Variants in ZBTB7C observed in about 807,000 individuals in gnomAD.
ZBTB7C encodes zinc finger and BTB domain-containing protein 7C.
In ZBTB7C, 8 loss-of-function variants were observed where a neutral mutation model predicts 25.7. The observed-to-expected ratio is 0.31, with a 90% CI of 0.18 to 0.56. ZBTB7C has a LOEUF of 0.56. Ranked by LOEUF, ZBTB7C falls within the 20% of genes least tolerant of loss-of-function variation. ZBTB7C has a pLI of 0.91. For missense variants in ZBTB7C, 824 were observed against 855.2 expected (o/e 0.96, Z 0.46); for synonymous variants, 394 against 369.0 (o/e 1.07, Z -0.78).
intron 2 of ZBTB7C, among the ~76,000 whole-genome samples, chr18:48,245,483 G>A (rs1418232419): frequency 8.2e-4 from 78 of 95,624 alleles, no homozygotes; most frequent in African/African-American, 3.2e-3. Flanking sequence ...TAAAAAAATA[G>A]ATCAAGACAC....
At chr18:48,335,644 T>C (rs941491563) in intron 2 of ZBTB7C, among the ~76,000 whole-genome samples, 1 of 152,194 alleles carries the variant, frequency 6.6e-6, no homozygotes, top group South Asian at 2.1e-4. Flanking sequence ...TGGCAAGATA[T>C]TCTAGAGTCT....
intron 2 of ZBTB7C, among the ~76,000 whole-genome samples, chr18:48,274,888 G>A (rs1478662691): frequency 6.6e-6 from 1 of 152,150 alleles, no homozygotes; most frequent in Non-Finnish European, 1.5e-5. Flanking sequence ...TGGCCTGGCT[G>A]AGGAGCTATT....
At chr18:48,317,812 C>G (rs1013356970) in intron 2 of ZBTB7C, among the ~76,000 whole-genome samples, 4 of 152,212 alleles carry the variant, frequency 2.6e-5, no homozygotes, top group Non-Finnish European at 5.9e-5. Flanking sequence ...TTGAAACATA[C>G]AGATCCCAGG....
At chr18:48,219,358 A>G (rs2145286643) in intron 2 of ZBTB7C, among the ~76,000 whole-genome samples, 1 of 152,308 alleles carries the variant, frequency 6.6e-6, no homozygotes, top group Non-Finnish European at 1.5e-5. Flanking sequence ...TGATGACAAC[A>G]CTAACATCTG....
chr18:48,064,063 T>C (rs2037227786), intron 3 of ZBTB7C, among the ~76,000 whole-genome samples: 1 of 152,148 alleles, frequency 6.6e-6, no homozygotes. Flanking sequence ...CCATGAAGAA[T>C]GAGAAGGTGG....
intron 3 of ZBTB7C, among the ~76,000 whole-genome samples, chr18:48,139,545 G>C (rs1217314740): frequency 6.6e-6 from 1 of 152,150 alleles, no homozygotes; most frequent in Non-Finnish European, 1.5e-5. Flanking sequence ...TTGCAGCCAA[G>C]AGCCTGGGGA....
intron 1 of ZBTB7C, among the ~76,000 whole-genome samples, chr18:48,370,110 A>G (rs2047350906): frequency 6.6e-6 from 1 of 152,202 alleles, no homozygotes; most frequent in South Asian, 2.1e-4. Context: ...AAAACTTCCA[A>G]ATACTTAGAA....
intron 3 of ZBTB7C, among the ~76,000 whole-genome samples, chr18:48,122,955 G>T (rs1022383025): frequency 6.6e-6 from 1 of 152,144 alleles, no homozygotes; most frequent in South Asian, 2.1e-4. Flanking sequence ...ATTCCCTCTT[G>T]GACTCTGACT....
At chr18:48,148,567 C>T (rs1454288032) in intron 3 of ZBTB7C, 2 of 152,150 alleles carry the variant, frequency 1.3e-5, no homozygotes, top group African/African-American at 4.8e-5. Context: ...GTGTCCTCAG[C>T]ATTACAGATG....
At chr18:48,228,745 T>TCACACACACACA (rs1375739209) in intron 2 of ZBTB7C, among the ~76,000 whole-genome samples, 24 of 136,734 alleles carry the variant, frequency 1.8e-4, no homozygotes, top group African/African-American at 5.8e-4. Context: ...TCTCTCTCTC[T>TCACACACACACA]CTCACACACA....
At chr18:48,297,460 G>A (rs539479763) in intron 2 of ZBTB7C, among the ~76,000 whole-genome samples, 14 of 152,136 alleles carry the variant, frequency 9.2e-5, no homozygotes, top group African/African-American at 2.9e-4. Flanking sequence ...GCTGTTCATT[G>A]CCTCTGACTT....
In ZBTB7C at chr18:48,057,327, T is replaced by C. The variant is rs146493701; in HGVS notation, c.-16-16204A>G. Among the ~76,000 whole-genome samples, 8 of 152,268 alleles carry C rather than the reference T, an allele frequency of 5.3e-5. No individual in the cohort carries two copies. The East Asian group carries it at 1.5e-3, about 29-fold the overall frequency. On this transcript the variant is annotated intron_variant, in intron 3 of 4. Transcript: ENST00000590800. Reference sequence around the variant, plus strand: ...GTGGCATTGATTCTATAGCCAACAATTGGAAGTAAACAGTATATCCATCAA... The same window carrying C: ...GTGGCATTGATTCTATAGCCAACAACTGGAAGTAAACAGTATATCCATCAA...
intron 2 of ZBTB7C, among the ~76,000 whole-genome samples, chr18:48,296,187 T>C (rs909884196): frequency 5.3e-5 from 8 of 152,176 alleles, no homozygotes; most frequent in Admixed American, 6.5e-5. Context: ...CCCCACCACC[T>C]GCTCAGGCCC....
chr18:48,141,927 T>C (rs2040361644), intron 3 of ZBTB7C, among the ~76,000 whole-genome samples: 1 of 152,212 alleles, frequency 6.6e-6, no homozygotes, highest in Non-Finnish European at 1.5e-5. Context: ...ATCACTTTCA[T>C]CCACAGATCA....
At chr18:48,162,042 C>G (rs559904482) in intron 3 of ZBTB7C, among the ~76,000 whole-genome samples, 1 of 152,276 alleles carries the variant, frequency 6.6e-6, no homozygotes, top group East Asian at 1.9e-4. Flanking sequence ...CCGCACTGAC[C>G]CCGCAGGGGG....
At chr18:48,081,876 A>T (rs947423249) in intron 3 of ZBTB7C, among the ~76,000 whole-genome samples, 3 of 152,240 alleles carry the variant, frequency 2.0e-5, no homozygotes, top group African/African-American at 7.2e-5. Context: ...AGTACCAAAA[A>T]AAAAGATAGA....
At chr18:48,082,718 A>C (rs533127565) in intron 3 of ZBTB7C, among the ~76,000 whole-genome samples, 2 of 147,028 alleles carry the variant, frequency 1.4e-5, no homozygotes, top group African/African-American at 5.3e-5. Flanking sequence ...TAATCTCATC[A>C]TCCTCACAAT....
At chr18:48,207,177 G>C (rs1040862937) in intron 2 of ZBTB7C, among the ~76,000 whole-genome samples, 1 of 152,210 alleles carries the variant, frequency 6.6e-6, no homozygotes, top group African/African-American at 2.4e-5. Flanking sequence ...CGCTGGTGAG[G>C]ATGTGTAACA....
intron 2 of ZBTB7C, among the ~76,000 whole-genome samples, chr18:48,228,562 G>C (rs1358578832): frequency 6.6e-6 from 1 of 151,992 alleles, no homozygotes; most frequent in Non-Finnish European, 1.5e-5. Context: ...GCCTGAGAGT[G>C]GCTGCCAAGG....
Sources: gnomAD v4.1 joint callset for allele counts (sites outside exome capture counted in the v4.1 genomes callset) on GRCh38, gnomAD v4.1.1 for gene constraint, MANE v1.5 for transcripts, NCBI Gene and HGNC (gene_info 2026-07-23, HGNC 2026-07-21) for gene names.